Variants in ZNF804B observed in about 807,000 individuals in gnomAD.
ZNF804B encodes the protein zinc finger 804B.
ZNF804B carries 80 observed loss-of-function variants against 101.4 expected under a neutral mutation model. The observed-to-expected ratio is 0.79, with a 90% CI of 0.66 to 0.95. The LOEUF is 0.95. Among genes scored for constraint, ZNF804B ranks in the 40% least tolerant of loss-of-function variants. The probability of loss-of-function intolerance (pLI) is 0.00; values close to 1 mark genes in which losing one functional copy is unlikely to be tolerated. For synonymous variants in ZNF804B, 622 were observed against 558.8 expected (o/e 1.11, Z -1.59); for missense variants, 1,673 against 1,561.9 (o/e 1.07, Z -1.20).
Position 89,334,809 on chromosome 7 carries a change from T to G in ZNF804B, c.1827T>G (p.His609Gln). The G allele has an allele frequency of 3.7e-6, 6 of 1,613,806 alleles. No individual in the cohort carries two copies. Among genetic ancestry groups the G allele is most frequent in the Non-Finnish European group, 5.1e-6 (6 of 1,179,848 alleles). Residue 609 changes from histidine to glutamine, a missense_variant, in exon 4 of 4, where the codon CAT (histidine) becomes CAG (glutamine). Coordinates refer to ENST00000333190, the MANE Select transcript of ZNF804B (RefSeq NM_181646.5). ...ENKLKEASRA[H>Q]WQGCRKAVLN... ...AACTTAAGGAAGCTTCAAGGGCCCATTGGCAAGGCTGCAGAAAGGCAGTTC... is the reference window on the plus strand; with the variant it reads ...AACTTAAGGAAGCTTCAAGGGCCCAGTGGCAAGGCTGCAGAAAGGCAGTTC...
At chr7:89,314,409 A>G (rs33919855) in intron 2 of ZNF804B, among the ~76,000 whole-genome samples, 14,602 of 152,166 alleles carry the variant, frequency 0.096, 1,914 homozygotes, top group East Asian at 0.69. Flanking sequence ...TCCAGATGAA[A>G]GCCACTCAGT....
At chr7:89,109,645 C>T (rs1790185727) in intron 1 of ZNF804B, among the ~76,000 whole-genome samples, 1 of 152,164 alleles carries the variant, frequency 6.6e-6, no homozygotes, top group South Asian at 2.1e-4. Flanking sequence ...AATTAGTCTT[C>T]ATCACATTGT....
At chr7:89,094,512 A>C (rs1011465167) in intron 1 of ZNF804B, among the ~76,000 whole-genome samples, 1 of 152,106 alleles carries the variant, frequency 6.6e-6, no homozygotes, top group Middle Eastern at 3.2e-3. Flanking sequence ...TCCATAAAAC[A>C]AATATTGGAG....
chr7:89,034,672 C>T (rs1788896852), intron 1 of ZNF804B, among the ~76,000 whole-genome samples: 1 of 152,114 alleles, frequency 6.6e-6, no homozygotes, highest in Non-Finnish European at 1.5e-5. Flanking sequence ...TGGGTTGGTT[C>T]CAAGTCTTTG....
intron 1 of ZNF804B, among the ~76,000 whole-genome samples, chr7:89,031,535 A>G (rs901976963): frequency 2.0e-5 from 3 of 152,212 alleles, no homozygotes; most frequent in African/African-American, 2.4e-5. Context: ...GGATAATGAA[A>G]AACTTTTTCA....
At chr7:89,182,308 C>G (rs1428186250) in intron 1 of ZNF804B, among the ~76,000 whole-genome samples, 4 of 152,112 alleles carry the variant, frequency 2.6e-5, no homozygotes, top group Non-Finnish European at 5.9e-5. Flanking sequence ...ACCTTTTCAG[C>G]AATCAAAATT....
chr7:89,225,492 G>C (rs1789075862), intron 2 of ZNF804B, among the ~76,000 whole-genome samples: 1 of 152,086 alleles, frequency 6.6e-6, no homozygotes, highest in South Asian at 2.1e-4. Context: ...CTAGAACTTA[G>C]AGCAATTTCT....
intron 1 of ZNF804B, among the ~76,000 whole-genome samples, chr7:89,125,255 G>A (rs1376159827): frequency 6.6e-6 from 1 of 151,710 alleles, no homozygotes; most frequent in African/African-American, 2.4e-5. Flanking sequence ...GAATTATTGT[G>A]AACAGAAGCA....
intron 1 of ZNF804B, among the ~76,000 whole-genome samples, chr7:88,945,859 T>A (rs1793120498): frequency 6.6e-6 from 1 of 152,148 alleles, no homozygotes; most frequent in African/African-American, 2.4e-5. Flanking sequence ...CAATTGTGAA[T>A]GGGAGTTCAC....
intron 2 of ZNF804B, among the ~76,000 whole-genome samples, chr7:89,319,577 G>A (rs193284936): frequency 7.9e-5 from 12 of 152,228 alleles, no homozygotes; most frequent in Non-Finnish European, 1.5e-4. Context: ...GCCTGTTTAC[G>A]CGTGAAAACA....
intron 1 of ZNF804B, among the ~76,000 whole-genome samples, chr7:88,888,294 A>C (rs1792163960): frequency 6.6e-6 from 1 of 152,102 alleles, no homozygotes; most frequent in African/African-American, 2.4e-5. Context: ...TGGGAGGTTG[A>C]GGCAAGAGAA....
intron 1 of ZNF804B, among the ~76,000 whole-genome samples, chr7:88,979,580 T>C (rs1353790069): frequency 6.7e-6 from 1 of 150,092 alleles, no homozygotes; most frequent in Non-Finnish European, 1.5e-5. Flanking sequence ...TATTTGCTTT[T>C]TCCTTTCTTT....
chr7:89,104,675 CCT>C, intron 1 of ZNF804B, among the ~76,000 whole-genome samples: 1 of 151,796 alleles, frequency 6.6e-6, no homozygotes, highest in East Asian at 1.9e-4. Context: ...TCTTTATTTA[CCT>C]TATTTTTAAA....
intron 2 of ZNF804B, among the ~76,000 whole-genome samples, chr7:89,220,074 T>C (rs1277339849): frequency 1.0e-5 from 1 of 96,764 alleles, no homozygotes; most frequent in Non-Finnish European, 2.2e-5. Flanking sequence ...CACATATATG[T>C]GTATATACAT....
chr7:88,978,255 C>T (rs1397123665), intron 1 of ZNF804B, among the ~76,000 whole-genome samples: 1 of 151,536 alleles, frequency 6.6e-6, no homozygotes, highest in East Asian at 1.9e-4. Flanking sequence ...ATATAGTGAA[C>T]ATTCAGTCTG....
At chr7:88,940,021 C>T (rs1793033770) in intron 1 of ZNF804B, among the ~76,000 whole-genome samples, 1 of 151,600 alleles carries the variant, frequency 6.6e-6, no homozygotes, top group Non-Finnish European at 1.5e-5. Flanking sequence ...AAATTAAAAA[C>T]ACAATTAAAA....
At chr7:88,843,463 C>A (rs774720359) in intron 1 of ZNF804B, among the ~76,000 whole-genome samples, 2 of 152,006 alleles carry the variant, frequency 1.3e-5, no homozygotes, top group Non-Finnish European at 2.9e-5. Flanking sequence ...AAAGGCTGGG[C>A]GCGGTAGCTC....
rs1440474461 is a variant in ZNF804B, at chr7:89,092,788, T to G, written c.109-125367T>G. On this transcript the variant is annotated intron_variant, in intron 1 of 3. Transcript: ENST00000333190. ...CCATTATTGTGATTATGATTATTTT[T>G]GAACACTTCTTTACTTGCTCACACC... Among the ~76,000 whole-genome samples the G allele has an allele frequency of 2.6e-5, 4 of 152,184 alleles. 1 individual carries two copies. Among genetic ancestry groups the G allele is most frequent in the Admixed American group, 2.6e-4 (4 of 15,278 alleles).
intron 2 of ZNF804B, among the ~76,000 whole-genome samples, chr7:89,246,046 C>T (rs1224935524): frequency 6.6e-6 from 1 of 152,136 alleles, no homozygotes; most frequent in Non-Finnish European, 1.5e-5. Flanking sequence ...GTCATTATAA[C>T]CTGGGTGCAC....
Sources: allele counts gnomAD v4.1 joint callset (sites outside exome capture counted in the v4.1 genomes callset), GRCh38; gene constraint gnomAD v4.1.1; transcripts MANE v1.5; gene names NCBI Gene and HGNC (gene_info 2026-07-23, HGNC 2026-07-21).